The following TSR1 variants were observed in gnomAD, a reference collection of about 807,000 sequenced individuals.
The protein encoded by TSR1 is pre-rRNA-processing protein TSR1 homolog.
Under a neutral mutation model 90.9 loss-of-function variants are expected in TSR1, and 81 were observed. The ratio of observed to expected loss-of-function variants is 0.89; its 90% CI spans 0.74 to 1.07. The LOEUF (loss-of-function observed/expected upper bound fraction) is 1.07, where lower values mean the gene tolerates loss of function less well. TSR1 is among the 50% of genes least tolerant of loss of function. TSR1 has a pLI of 0.00. For missense variants in TSR1, 989 were observed against 987.3 expected (o/e 1.00, Z -0.02); for synonymous variants, 362 against 348.8 (o/e 1.04, Z -0.42).
chr17:2,335,347 G>C lies in TSR1; in HGVS notation c.469C>G (p.Leu157Val), dbSNP rs777661652. 5 of 1,613,848 alleles carry C rather than the reference G, an allele frequency of 3.1e-6. No homozygotes were observed. The South Asian group carries it at 5.5e-5, about 18-fold the overall frequency. The change falls in exon 4 of 15, where the codon CTG becomes GTG. Residue 157 changes from leucine to valine, a missense_variant. Leu to Val is a conservative substitution (Grantham distance 32). Coordinates refer to ENST00000301364, the MANE Select transcript of TSR1 (RefSeq NM_018128.5). ...CCTTCTAGTGGATCAAGGAGGAACA[G>C]GATGGTATCAGCTACTTTAGCCATG... ...LDMAKVADTI[L>V]FLLDPLEGWD...
chr17:2,333,455 A>C (rs1597278711), intron 6 of TSR1, 102 bp downstream of exon 6: 8 of 1,364,866 alleles, frequency 5.9e-6, no homozygotes, highest in African/African-American at 1.4e-5. Flanking sequence ...TTTCAACTAT[A>C]CCCCCACCCC....
chr17:2,333,435 G>T, intron 6 of TSR1, 122 bp downstream of exon 6: 1 of 1,168,744 alleles, frequency 8.6e-7, no homozygotes, highest in Non-Finnish European at 1.3e-6. Flanking sequence ...ATTTGAGGGT[G>T]AGGAGAGACT....
chr17:2,323,314 A>G lies in TSR1; in HGVS notation c.*882T>C, dbSNP rs150371285. 2.4e-4 allele frequency: 384 copies of G among 1,613,954 alleles called. No individual in the cohort carries two copies. The highest frequency in any genetic ancestry group is 3.0e-4 in the Non-Finnish European group (353 of 1,179,928). On this transcript the variant is annotated 3_prime_UTR_variant, in exon 15 of 15. Transcript: ENST00000301364. ...CCTATTATCAGGGACCTTGTGGATGATATCTTCACTGTCACAGAGGATGAA... is the reference window on the plus strand; with the variant it reads ...CCTATTATCAGGGACCTTGTGGATGGTATCTTCACTGTCACAGAGGATGAA...
chr17:2,334,851 A>G lies in TSR1; in HGVS notation c.602T>C (p.Ile201Thr), dbSNP rs150118764. 7.7e-5 allele frequency: 124 copies of G among 1,613,836 alleles called. No individual in the cohort carries two copies. In the Middle Eastern group the frequency reaches 1.2e-3, roughly 15 times the overall value. ...TTTACTTAGCTTCTTCCTGGTATCT[A>G]TTTGTTTCTTCAGTGGGAGGCCAGA... The part of the protein sequence containing the change: ...GISGLPLKKQ[I>T]DTRKKLSKAV... The change falls in exon 5 of 15, where the codon ATA becomes ACA. Residue 201 changes from isoleucine (I) to threonine (T), a missense_variant. Coordinates refer to ENST00000301364, the MANE Select transcript of TSR1 (RefSeq NM_018128.5).
intron 5 of TSR1, 74 bp downstream of exon 5, chr17:2,334,398 C>T: frequency 1.3e-6 from 2 of 1,496,100 alleles, no homozygotes; most frequent in Non-Finnish European, 1.8e-6. Flanking sequence ...AGTGTACAGA[C>T]TATCTTCTCT....
chr17:2,324,265 A>C lies in TSR1; in HGVS notation c.2346T>G (p.Tyr782Ter). Residue 782 changes from tyrosine to a stop codon, truncating the protein, a stop_gained, in exon 15 of 15, where the codon TAT becomes TAG. Coordinates refer to ENST00000301364, the MANE Select transcript of TSR1 (RefSeq NM_018128.5). LOFTEE classifies it high-confidence loss of function. ...RVFPKWTYDP[Y>*]VPEPVPWLKS... is the part of the protein sequence containing the mutation. ...TCAGCCAGGGTACTGGTTCTGGTAC[A>C]TATGGATCATAAGTCCATTTGGGGA... 6.4e-7 allele frequency: 1 copy of C among 1,551,128 alleles called. No homozygotes were observed. The highest frequency in any genetic ancestry group is 8.7e-7 in the Non-Finnish European group (1 of 1,154,256).
chr17:2,333,432 G>T, intron 6 of TSR1, 125 bp downstream of exon 6: 2 of 1,134,648 alleles, frequency 1.8e-6, no homozygotes, highest in East Asian at 2.4e-5. Context: ...AGCATTTGAG[G>T]GTGAGGAGAG....
intron 2 of TSR1, 43 bp downstream of exon 2, chr17:2,335,994 A>C: frequency 6.2e-7 from 1 of 1,600,112 alleles, no homozygotes; most frequent in Non-Finnish European, 8.6e-7. Flanking sequence ...AGCCACCTAG[A>C]ACACCAGAGA....
intron 6 of TSR1, 56 bp from the exon 7 acceptor site, chr17:2,333,180 G>C: frequency 6.3e-7 from 1 of 1,592,932 alleles, no homozygotes. Context: ...CTATCCCTCT[G>C]GTTATTCTCA....
intron 6 of TSR1, 85 bp from the exon 7 acceptor site, chr17:2,333,209 T>C (rs547364598): frequency 6.9e-7 from 1 of 1,453,334 alleles, no homozygotes; most frequent in African/African-American, 1.4e-5. Flanking sequence ...AGGCACCAGA[T>C]ACTGCTGCCA....
Position 2,334,756 on chromosome 17 carries a change from G to A in TSR1, c.697C>T (p.Leu233Phe). 1.2e-6 allele frequency: 2 copies of A among 1,614,204 alleles called. No individual in the cohort carries two copies. The highest frequency in any genetic ancestry group is 1.7e-6 in the Non-Finnish European group (2 of 1,180,040). ...LDTQQEAGML[L>F]RQLANQKQQH... ...TGCTTCTGGTTAGCCAACTGCCTAA[G>A]CAGCATCCCTGCCTCCTGTTGAGTG... Residue 233 changes from leucine to phenylalanine, a missense_variant, in exon 5 of 15, where the codon CTT becomes TTT. Physicochemically the swap from Leu to Phe is conservative, Grantham distance 22 (BLOSUM62 0). Transcript: ENST00000301364.
intron 8 of TSR1, among the ~76,000 whole-genome samples, chr17:2,331,879 T>C (rs2064006377): frequency 6.6e-6 from 1 of 152,196 alleles, no homozygotes; most frequent in South Asian, 2.1e-4. Context: ...TTCCAAACAT[T>C]ATATACTTCA....
chr17:2,324,472 C>G, intron 14 of TSR1, 32 bp downstream of exon 14: 1 of 1,613,996 alleles, frequency 6.2e-7, no homozygotes, highest in Non-Finnish European at 8.5e-7. Flanking sequence ...TGCAGAAATG[C>G]AGACATGGTC....
Position 2,323,017 on chromosome 17 carries a change from G to C in TSR1, c.*1179C>G. On this transcript the variant is annotated 3_prime_UTR_variant, in exon 15 of 15. Coordinates refer to ENST00000301364, the MANE Select transcript of TSR1 (RefSeq NM_018128.5). ...TGACCTCAGCTGATCCACCCGCCTC[G>C]GGCTCCCAAAGTGTTGGGATTACAG... 2.0e-6 allele frequency: 2 copies of C among 1,024,626 alleles called. No homozygotes were observed. Among genetic ancestry groups the C allele is most frequent in the East Asian group, 2.5e-5 (1 of 39,962 alleles). The allele number at this position is 1,024,626 out of a possible 1,614,324, so 63.5% of individuals were successfully genotyped here. A position where few individuals can be genotyped will look rare whatever the true frequency, so the allele number is the denominator to read the frequency against.
At position 2,333,033 on chromosome 17, in the gene TSR1, T is replaced by C. The variant is rs1354367125; in HGVS notation, c.1233A>G (p.Gln411=). ...QAEWILDGGS[Q]SGGEGDEYEY... ...CATATTCATCTCCTTCCCCACCACT[T>C]TGGCTGCCACCATCCAAAATCCATT... is the stretch of plus-strand genomic sequence containing the variant. The change falls in exon 7 of 15, where the codon CAA becomes CAG. Residue 411 remains glutamine, a synonymous_variant. Coordinates refer to ENST00000301364, the MANE Select transcript of TSR1 (RefSeq NM_018128.5). The C allele has an allele frequency of 6.2e-7, 1 of 1,614,004 alleles. No homozygotes were observed. The highest frequency in any genetic ancestry group is 1.3e-5 in the African/African-American group (1 of 74,896).
In TSR1 at chr17:2,336,085, G is replaced by A; in HGVS notation, c.153C>T (p.Val51=). 1 of 1,614,164 alleles carries A rather than the reference G, an allele frequency of 6.2e-7. No individual in the cohort carries two copies. The highest frequency in any genetic ancestry group is 8.5e-7 in the Non-Finnish European group (1 of 1,180,026). Residue 51 remains valine, a synonymous_variant, in exon 2 of 15, where the codon GTC becomes GTT. Coordinates refer to ENST00000301364, the MANE Select transcript of TSR1 (RefSeq NM_018128.5). ...SKKVRKELSR[V]DQRHRASQLR... ...GCTGGCTGGCGCGATGCCTCTGGTC[G>A]ACTCTGCTGAGTTCTTTTCTCACCT...
Position 2,332,184 on chromosome 17 carries a change from A to G in TSR1, c.1481T>C (p.Val494Ala). 6.2e-7 allele frequency: 1 copy of G among 1,611,532 alleles called. No homozygotes were observed. Among genetic ancestry groups the G allele is most frequent in the Non-Finnish European group, 8.5e-7 (1 of 1,179,468 alleles). ...GTTGACTAACCGAATTCGAGCAGCC[A>G]CATCACGGGGCGTGTCCACTTCATC... Reference protein sequence around the residue: ...FPDEVDTPRDVAARIRFQKYR... With the variant: ...FPDEVDTPRDAAARIRFQKYR... The change falls in exon 8 of 15, where the codon GTG (valine) becomes GCG (alanine). Residue 494 changes from valine (V) to alanine (A), a missense_variant. By Grantham distance (64) the Val-to-Ala change is moderately conservative. Transcript: ENST00000301364.
chr17:2,335,928 G>A (rs1373061899), intron 2 of TSR1, 109 bp downstream of exon 2: 5 of 1,310,694 alleles, frequency 3.8e-6, no homozygotes, highest in African/African-American at 1.5e-5. Flanking sequence ...CGTGCTCTAG[G>A]GCTATGCTCT....
At chr17:2,329,520 T>C (rs368033260) in intron 10 of TSR1, 45 bp from the exon 11 acceptor site, 2 of 1,606,184 alleles carry the variant, frequency 1.2e-6, no homozygotes, top group South Asian at 2.2e-5. Context: ...AGTCTAGGAA[T>C]ACAATTGCCT....
Sources: gnomAD v4.1 joint callset for allele counts (sites outside exome capture counted in the v4.1 genomes callset) on GRCh38, gnomAD v4.1.1 for gene constraint, MANE v1.5 for transcripts, NCBI Gene and HGNC (gene_info 2026-07-23, HGNC 2026-07-21) for gene names.